MAGI2: variants seen among roughly 807,000 people sequenced by gnomAD.
The protein encoded by MAGI2 is membrane-associated guanylate kinase, WW and PDZ domain-containing protein 2.
MAGI2 carries 35 observed loss-of-function variants against 133.3 expected under a neutral mutation model. That is an observed-to-expected ratio of 0.26 (90% CI 0.20 to 0.35). The LOEUF (loss-of-function observed/expected upper bound fraction) is 0.35. MAGI2 is among the 10% of genes least tolerant of loss of function. The probability of loss-of-function intolerance (pLI) is 1.00; values close to 1 mark genes in which losing one functional copy is unlikely to be tolerated. For synonymous variants in MAGI2, 729 were observed against 710.6 expected, an observed-to-expected ratio of 1.03 and a Z score of -0.41; for missense variants, 1,636 against 1,863.4, an observed-to-expected ratio of 0.88 and a Z score of 2.25.
intron 3 of MAGI2, among the ~76,000 whole-genome samples, chr7:78,554,396 T>C (rs1799610055): frequency 6.6e-6 from 1 of 152,206 alleles, no homozygotes; most frequent in African/African-American, 2.4e-5. Context: ...AAAGTCCATG[T>C]GGATCTCCTC....
At chr7:78,633,633 A>G (rs904952254) in intron 2 of MAGI2, among the ~76,000 whole-genome samples, 6 of 150,704 alleles carry the variant, frequency 4.0e-5, no homozygotes, top group East Asian at 2.0e-4. Context: ...GTGAACCCGG[A>G]AGGCGGAGCT....
At position 78,402,377 on chromosome 7, in the gene MAGI2, G is replaced by GGT. The variant is rs756042467; in HGVS notation, c.1046-33166_1046-33165dup. Among the ~76,000 whole-genome samples, 183 of 149,392 alleles carry GGT rather than the reference G, an allele frequency of 1.2e-3. 1 individual carries two copies. The highest frequency in any genetic ancestry group is 3.9e-3 in the African/African-American group (159 of 40,680). ...GGGGCGTATGTGTGTATCCACCTGGGGTGTGTGTGTGTGTGTGTCCACCTG... is the reference window on the plus strand; with the variant it reads ...GGGGCGTATGTGTGTATCCACCTGGGGTGTGTGTGTGTGTGTGTGTCCACCTG... On this transcript the variant is annotated intron_variant, in intron 6 of 21. Transcript: ENST00000354212.
At chr7:78,139,562 A>G (rs1342391131) in intron 16 of MAGI2, among the ~76,000 whole-genome samples, 1 of 152,210 alleles carries the variant, frequency 6.6e-6, no homozygotes, top group Non-Finnish European at 1.5e-5. Context: ...ATTCCCTGAG[A>G]ACTGATGACT....
intron 16 of MAGI2, among the ~76,000 whole-genome samples, chr7:78,156,704 G>T (rs1487509409): frequency 6.6e-6 from 1 of 151,816 alleles, no homozygotes; most frequent in African/African-American, 2.4e-5. Context: ...TAGGATGATT[G>T]TAGCACCTGG....
At chr7:78,656,097 C>T (rs1386865745) in intron 2 of MAGI2, among the ~76,000 whole-genome samples, 7 of 149,972 alleles carry the variant, frequency 4.7e-5, no homozygotes, top group Non-Finnish European at 1.5e-5. Context: ...TTACAAAAAA[C>T]AGCCTAAGAG....
intron 1 of MAGI2, among the ~76,000 whole-genome samples, chr7:79,197,460 C>G (rs986740432): frequency 6.6e-6 from 1 of 152,016 alleles, no homozygotes; most frequent in Non-Finnish European, 1.5e-5. Flanking sequence ...AAATCACAAC[C>G]AGCGCTTGCT....
At chr7:78,445,642 C>T (rs185007900) in intron 6 of MAGI2, among the ~76,000 whole-genome samples, 13 of 152,128 alleles carry the variant, frequency 8.5e-5, no homozygotes, top group Admixed American at 8.5e-4. Flanking sequence ...TCCTGAAACG[C>T]ACATATAATT....
intron 2 of MAGI2, among the ~76,000 whole-genome samples, chr7:78,827,017 C>T (rs1049842955): frequency 3.9e-5 from 6 of 151,970 alleles, no homozygotes; most frequent in Non-Finnish European, 7.4e-5. Flanking sequence ...TTAGAGACAT[C>T]GGTATAAATT....
At chr7:78,047,291 C>T (rs879519999) in intron 21 of MAGI2, among the ~76,000 whole-genome samples, 10 of 152,126 alleles carry the variant, frequency 6.6e-5, no homozygotes, top group Admixed American at 2.6e-4. Context: ...TGTATTTGGT[C>T]AGCTGTCTGG....
At chr7:78,846,677 G>A (rs1274044865) in intron 2 of MAGI2, among the ~76,000 whole-genome samples, 5 of 151,912 alleles carry the variant, frequency 3.3e-5, no homozygotes, top group African/African-American at 1.2e-4. Context: ...AAACTGCCAT[G>A]TGGAACTGAC....
chr7:79,168,347 T>C (rs915003461), intron 1 of MAGI2, among the ~76,000 whole-genome samples: 2 of 152,100 alleles, frequency 1.3e-5, no homozygotes, highest in Admixed American at 6.6e-5. Flanking sequence ...TTTTGCTAAA[T>C]GATTGTGTAG....
At chr7:78,980,991 G>A (rs1448619383) in intron 2 of MAGI2, among the ~76,000 whole-genome samples, 1 of 151,332 alleles carries the variant, frequency 6.6e-6, no homozygotes, top group Non-Finnish European at 1.5e-5. Context: ...TGTCTTTGTT[G>A]TTGTTGAAAG....
intron 10 of MAGI2, among the ~76,000 whole-genome samples, chr7:78,214,845 G>A (rs182225454): frequency 2.0e-5 from 3 of 152,328 alleles, no homozygotes; most frequent in African/African-American, 4.8e-5. Flanking sequence ...GCTTTACAGT[G>A]GGGATTCTTG....
At chr7:79,261,788 C>CA (rs1036420586) in intron 1 of MAGI2, among the ~76,000 whole-genome samples, 37 of 152,264 alleles carry the variant, frequency 2.4e-4, no homozygotes, top group African/African-American at 8.9e-4. Flanking sequence ...ACATCACTTA[C>CA]CATCACTTAA....
chr7:79,204,714 C>T (rs1313051796), intron 1 of MAGI2, among the ~76,000 whole-genome samples: 1 of 151,654 alleles, frequency 6.6e-6, no homozygotes, highest in African/African-American at 2.4e-5. Flanking sequence ...CAGAAAAATA[C>T]TTCAATAAAA....
intron 3 of MAGI2, among the ~76,000 whole-genome samples, chr7:78,588,705 C>T (rs1297809004): frequency 1.3e-5 from 2 of 152,104 alleles, no homozygotes; most frequent in Non-Finnish European, 2.9e-5. Context: ...TTTTGAGCAG[C>T]CACATTAACA....
intron 3 of MAGI2, among the ~76,000 whole-genome samples, chr7:78,609,341 G>T (rs149999051): frequency 2.6e-5 from 4 of 152,046 alleles, no homozygotes; most frequent in Non-Finnish European, 4.4e-5. Flanking sequence ...ACAATAATAA[G>T]GTCATAATTA....
At chr7:78,386,655 G>A (rs1795414283) in intron 6 of MAGI2, among the ~76,000 whole-genome samples, 1 of 152,182 alleles carries the variant, frequency 6.6e-6, no homozygotes, top group African/African-American at 2.4e-5. Context: ...AAGCCCAAGT[G>A]GAGCTGTGAT....
intron 2 of MAGI2, among the ~76,000 whole-genome samples, chr7:78,927,753 A>G (rs1256143679): frequency 6.6e-6 from 1 of 151,922 alleles, no homozygotes; most frequent in African/African-American, 2.4e-5. Flanking sequence ...TTAATATTAA[A>G]TTTGTTTATC....
Sources: allele counts gnomAD v4.1 joint callset (sites outside exome capture counted in the v4.1 genomes callset), GRCh38; gene constraint gnomAD v4.1.1; transcripts MANE v1.5; gene names NCBI Gene and HGNC (gene_info 2026-07-23, HGNC 2026-07-21).